INPP4A: variants seen among roughly 807,000 people sequenced by gnomAD.
The protein encoded by INPP4A is inositol polyphosphate-4-phosphatase type I A.
INPP4A carries 33 observed loss-of-function variants against 119.8 expected under a neutral mutation model. That is an observed-to-expected ratio of 0.28 (90% CI 0.21 to 0.37). INPP4A has a LOEUF of 0.37. INPP4A is among the 10% of genes least tolerant of loss of function. INPP4A has a pLI of 1.00. For synonymous variants in INPP4A, 496 were observed against 500.7 expected (o/e 0.99, Z 0.12); for missense variants, 956 against 1,289.9 (o/e 0.74, Z 3.97).
At chr2:98,453,739 G>A (rs992995752) in intron 1 of INPP4A, among the ~76,000 whole-genome samples, 2 of 152,198 alleles carry the variant, frequency 1.3e-5, no homozygotes, top group African/African-American at 4.8e-5. Context: ...CTGGGGGCGT[G>A]AGGAGCAGGC....
intron 10 of INPP4A, among the ~76,000 whole-genome samples, chr2:98,540,765 A>G (rs1238110270): frequency 6.6e-6 from 1 of 152,154 alleles, no homozygotes; most frequent in East Asian, 1.9e-4. Flanking sequence ...AATGACATCA[A>G]TCCATTCATG....
chr2:98,508,061 G>A lies in INPP4A; in HGVS notation c.-165-10903G>A, dbSNP rs529825637. Among the ~76,000 whole-genome samples, 8 of 152,240 alleles carry A rather than the reference G, an allele frequency of 5.3e-5. No homozygotes were observed. The East Asian group carries it at 9.7e-4, about 18-fold the overall frequency. On this transcript the variant is annotated intron_variant, in intron 1 of 24. Transcript: ENST00000409851. ...CATTGCTGTGGCTGGGATGTGGGCC[G>A]CCCACTTTGCATTCTGTCCTGAGAA...
At chr2:98,491,517 G>A (rs1190219665) in intron 1 of INPP4A, among the ~76,000 whole-genome samples, 2 of 152,190 alleles carry the variant, frequency 1.3e-5, no homozygotes, top group Non-Finnish European at 2.9e-5. Flanking sequence ...CTGATTACCT[G>A]GTGGCAAGTG....
intron 4 of INPP4A, among the ~76,000 whole-genome samples, chr2:98,526,362 A>G (rs1688181182): frequency 6.6e-6 from 1 of 152,218 alleles, no homozygotes; most frequent in Non-Finnish European, 1.5e-5. Context: ...TTTGTATTTT[A>G]TTGTATCCAA....
chr2:98,464,256 C>T (rs1674262717), intron 1 of INPP4A, among the ~76,000 whole-genome samples: 1 of 151,956 alleles, frequency 6.6e-6, no homozygotes, highest in Non-Finnish European at 1.5e-5. Flanking sequence ...GGAGAGCCGT[C>T]AGATTCATGG....
intron 17 of INPP4A, among the ~76,000 whole-genome samples, chr2:98,561,118 G>A (rs1224174175): frequency 6.6e-6 from 1 of 152,188 alleles, no homozygotes; most frequent in Non-Finnish European, 1.5e-5. Context: ...CTACTGATGA[G>A]GGGAAAATGC....
At chr2:98,501,080 G>A (rs1683022842) in intron 1 of INPP4A, among the ~76,000 whole-genome samples, 1 of 152,210 alleles carries the variant, frequency 6.6e-6, no homozygotes, top group African/African-American at 2.4e-5. Flanking sequence ...TTTTTGGGAG[G>A]CCGGGGCAGG....
intron 1 of INPP4A, among the ~76,000 whole-genome samples, chr2:98,447,968 A>T (rs1694493163): frequency 6.7e-6 from 1 of 150,084 alleles, no homozygotes; most frequent in Non-Finnish European, 1.5e-5. Flanking sequence ...AATGGCGTGA[A>T]CCTGGGAGGC....
At chr2:98,581,091 C>G (rs148535980) in intron 24 of INPP4A, among the ~76,000 whole-genome samples, 2 of 152,284 alleles carry the variant, frequency 1.3e-5, no homozygotes, top group Non-Finnish European at 2.9e-5. Flanking sequence ...CAAGAGGCAG[C>G]TTTGGCCAAA....
rs139683146 is a variant in INPP4A, at chr2:98,549,069, CG to C, written c.1163+2377del. The C allele has an allele frequency of 8.9e-4, 951 of 1,072,330 alleles. 8 individuals carry two copies. In the African/African-American group the frequency reaches 0.013, roughly 15 times the overall value. The allele number at this position is 1,072,330 out of a possible 1,614,324, so 66.4% of individuals were successfully genotyped here. On this transcript the variant is annotated intron_variant, in intron 13 of 24. Coordinates refer to ENST00000409851, the MANE Select transcript of INPP4A (RefSeq NM_001134225.2). ...CACCTCCTCCTGTGGGCTTCCCCTG[CG>C]GTGCTGCCATGGTTCCTAGTTATAC...
intron 1 of INPP4A, among the ~76,000 whole-genome samples, chr2:98,511,096 G>A (rs6542805): frequency 0.25 from 38,213 of 151,096 alleles, 5,459 homozygotes; most frequent in African/African-American, 0.38. Context: ...GTCTCGCTTT[G>A]TTGCCCAGGC....
chr2:98,555,531 A>G (rs1051865838), intron 15 of INPP4A, 22 bp from the exon 16 acceptor site: 2 of 1,579,594 alleles, frequency 1.3e-6, no homozygotes, highest in Non-Finnish European at 8.6e-7. Context: ...GCTGACCCAC[A>G]TGGGCCCCTT....
At chr2:98,565,597 C>T in intron 19 of INPP4A, 43 bp from the exon 20 acceptor site, 1 of 1,571,792 alleles carries the variant, frequency 6.4e-7, no homozygotes, top group Non-Finnish European at 8.7e-7. Context: ...GGGAGAGTAG[C>T]AGGGCCCTCT....
chr2:98,526,868 G>T (rs752328720), intron 4 of INPP4A, among the ~76,000 whole-genome samples: 2 of 152,156 alleles, frequency 1.3e-5, no homozygotes, highest in Non-Finnish European at 2.9e-5. Flanking sequence ...AAACGAGAGA[G>T]GGAGGAGGTG....
chr2:98,544,106 G>A, intron 11 of INPP4A, 99 bp downstream of exon 11: 1 of 1,167,846 alleles, frequency 8.6e-7, no homozygotes, highest in East Asian at 2.7e-5. Flanking sequence ...TCCCAGCCAG[G>A]GATCTGGAAC....
intron 13 of INPP4A, among the ~76,000 whole-genome samples, chr2:98,550,180 G>A (rs1277913447): frequency 6.6e-6 from 1 of 152,032 alleles, no homozygotes; most frequent in Non-Finnish European, 1.5e-5. Flanking sequence ...CCCAATCTGG[G>A]CCTGGTCACC....
chr2:98,455,934 G>A (rs752130051), intron 1 of INPP4A, among the ~76,000 whole-genome samples: 39 of 152,208 alleles, frequency 2.6e-4, no homozygotes, highest in Non-Finnish European at 4.9e-4. Flanking sequence ...TCCAGCTAGA[G>A]CGTCCCGTGC....
intron 24 of INPP4A, among the ~76,000 whole-genome samples, chr2:98,581,096 G>A (rs1699233065): frequency 6.6e-6 from 1 of 152,132 alleles, no homozygotes; most frequent in Admixed American, 6.5e-5. Context: ...GGCAGCTTTG[G>A]CCAAATCCTT....
rs118060465 is a variant in INPP4A at position 98,512,772 on chromosome 2, C to G, written c.-165-6192C>G. On this transcript the variant is annotated intron_variant, in intron 1 of 24. Transcript: ENST00000409851. ...TTTGGAGAACACGTTCAAACTGTAT[C>G]AAGAGCCTTTTGTGGACCAGGGTGC... Among the ~76,000 whole-genome samples the G allele has an allele frequency of 2.4e-3, 373 of 152,308 alleles. 9 individuals carry two copies. In the East Asian group the frequency reaches 0.05, roughly 20 times the overall value.
Sources: allele counts gnomAD v4.1 joint callset (sites outside exome capture counted in the v4.1 genomes callset), GRCh38; gene constraint gnomAD v4.1.1; transcripts MANE v1.5; gene names NCBI Gene and HGNC (gene_info 2026-07-23, HGNC 2026-07-21).